TP63: variants seen among roughly 807,000 people sequenced by gnomAD.
TP63 encodes tumor protein p63.
Under a neutral mutation model 82.8 loss-of-function variants are expected in TP63, and 17 were observed. The ratio of observed to expected loss-of-function variants is 0.21; its 90% CI spans 0.14 to 0.31. The LOEUF (loss-of-function observed/expected upper bound fraction) is 0.31, where lower values mean the gene tolerates loss of function less well. Ranked by LOEUF, TP63 falls within the 10% of genes least tolerant of loss-of-function variation. The pLI is 1.00. For missense variants in TP63, 648 were observed against 895.3 expected (o/e 0.72, Z 3.52); for synonymous variants, 330 against 321.7 (o/e 1.03, Z -0.28).
intron 10 of TP63, among the ~76,000 whole-genome samples, chr3:189,873,759 A>G (rs1018311937): frequency 2.6e-5 from 4 of 152,182 alleles, no homozygotes; most frequent in East Asian, 3.8e-4. Flanking sequence ...AGGTTGACCA[A>G]TCAGGACCTT....
chr3:189,739,842 C>A (rs1274064550), intron 3 of TP63, among the ~76,000 whole-genome samples: 3 of 143,982 alleles, frequency 2.1e-5, no homozygotes, highest in Admixed American at 7.0e-5. Context: ...TCTTTTCTAT[C>A]AAAAATTTCT....
At chr3:189,741,176 T>A (rs1720955159) in intron 3 of TP63, among the ~76,000 whole-genome samples, 1 of 150,854 alleles carries the variant, frequency 6.6e-6, no homozygotes, top group African/African-American at 2.4e-5. Flanking sequence ...TGAATAAACT[T>A]GCCTATCTGT....
chr3:189,859,844 A>C (rs921563303), intron 4 of TP63, among the ~76,000 whole-genome samples: 1 of 152,204 alleles, frequency 6.6e-6, no homozygotes, highest in African/African-American at 2.4e-5. Context: ...ACGTGCAAAA[A>C]CCACAGATAA....
the TP63 span, among the ~76,000 whole-genome samples, chr3:189,619,953 G>A: frequency 1.3e-5 from 2 of 152,126 alleles, no homozygotes; most frequent in Non-Finnish European, 2.9e-5. Flanking sequence ...GACCACTTGC[G>A]TCACTTTGTG....
intron 11 of TP63, among the ~76,000 whole-genome samples, chr3:189,887,913 A>G (rs918513227): frequency 4.0e-5 from 6 of 150,480 alleles, no homozygotes; most frequent in African/African-American, 9.8e-5. Context: ...CTGGAGTGCA[A>G]TGGCGCAATC....
At chr3:189,889,563 T>C in intron 12 of TP63, 79 bp downstream of exon 12, 1 of 1,594,570 alleles carries the variant, frequency 6.3e-7, no homozygotes, top group Admixed American at 1.7e-5. Context: ...TTATAGTCCA[T>C]AAAACAGTTG....
intron 1 of TP63, among the ~76,000 whole-genome samples, chr3:189,641,848 T>TAA: frequency 6.6e-6 from 1 of 152,224 alleles, no homozygotes; most frequent in Middle Eastern, 3.2e-3. Flanking sequence ...TTATCTCATA[T>TAA]AACACAGTTC....
In TP63 at chr3:189,808,412, C is replaced by T. The variant is rs2108637967; in HGVS notation, c.465C>T (p.Thr155=). ...CGCCCTACGCACAGCCCAGCTCCAC[C>T]TTCGATGCTCTCTCTCCATCACCCG... ...APSPYAQPSS[T]FDALSPSPAI... Residue 155 remains threonine (T), a synonymous_variant, in exon 4 of 14, where the codon ACC becomes ACT. Transcript: ENST00000264731. 6.2e-7 allele frequency: 1 copy of T among 1,614,230 alleles called. No homozygotes were observed. The highest frequency in any genetic ancestry group is 8.5e-7 in the Non-Finnish European group (1 of 1,180,050).
intron 13 of TP63, among the ~76,000 whole-genome samples, chr3:189,892,524 G>A (rs967977343): frequency 6.6e-6 from 1 of 152,220 alleles, no homozygotes; most frequent in Non-Finnish European, 1.5e-5. Context: ...CGGGCATGGT[G>A]GCTCACACCT....
intron 4 of TP63, among the ~76,000 whole-genome samples, chr3:189,856,189 G>T (rs2108776903): frequency 6.6e-6 from 1 of 151,520 alleles, no homozygotes; most frequent in Non-Finnish European, 1.5e-5. Flanking sequence ...GTAAAGAAAT[G>T]TGTAAAGGAG....
chr3:189,745,290 T>G (rs1391506115), intron 3 of TP63, among the ~76,000 whole-genome samples: 2 of 152,200 alleles, frequency 1.3e-5, no homozygotes, highest in Non-Finnish European at 2.9e-5. Flanking sequence ...TATTAAATTC[T>G]TAAATTCAAA....
intron 11 of TP63, among the ~76,000 whole-genome samples, chr3:189,888,784 A>G (rs1577201755): frequency 6.6e-6 from 1 of 152,254 alleles, no homozygotes; most frequent in African/African-American, 2.4e-5. Flanking sequence ...ATTTAATTGT[A>G]TCATCATTTA....
intron 3 of TP63, among the ~76,000 whole-genome samples, chr3:189,801,600 C>G (rs1726309374): frequency 6.6e-6 from 1 of 152,004 alleles, no homozygotes; most frequent in Admixed American, 6.6e-5. Flanking sequence ...AATACCTTTC[C>G]CACTTCCTGT....
At position 189,866,711 on chromosome 3, in the gene TP63, C is replaced by A. The variant is rs747009931; in HGVS notation, c.796C>A (p.Arg266=). The A allele has an allele frequency of 2.5e-6, 4 of 1,613,732 alleles. No homozygotes were observed. Among genetic ancestry groups the A allele is most frequent in the African/African-American group, 2.7e-5 (2 of 74,836 alleles). ...GQIAPPSHLI[R]VEGNSHAQYV... ...GATTGCCCCTCCTAGTCATTTGATT[C>A]GAGTAGAGGGGAACAGCCATGCCCA... Residue 266 remains arginine, a synonymous_variant, in exon 6 of 14, where the codon CGA becomes AGA. Coordinates refer to ENST00000264731, the MANE Select transcript of TP63 (RefSeq NM_003722.5).
chr3:189,723,168 T>C (rs1198424606), intron 1 of TP63, among the ~76,000 whole-genome samples: 1 of 152,200 alleles, frequency 6.6e-6, no homozygotes, highest in Non-Finnish European at 1.5e-5. Flanking sequence ...AAGACCTTTT[T>C]TTCCTTCAGT....
At chr3:189,659,435 A>G (rs1713681454) in intron 1 of TP63, among the ~76,000 whole-genome samples, 1 of 151,928 alleles carries the variant, frequency 6.6e-6, no homozygotes, top group Non-Finnish European at 1.5e-5. Context: ...TATGTACCAT[A>G]TTTTCTTTAT....
intron 1 of TP63, among the ~76,000 whole-genome samples, chr3:189,668,552 A>G (rs982265376): frequency 1.3e-5 from 2 of 152,154 alleles, no homozygotes; most frequent in Non-Finnish European, 2.9e-5. Flanking sequence ...GAAAGTGTCA[A>G]TGGATTTCAA....
chr3:189,630,720 T>G (rs891152392), upstream of TP63, among the ~76,000 whole-genome samples: 3 of 152,176 alleles, frequency 2.0e-5, no homozygotes, highest in African/African-American at 7.2e-5. Flanking sequence ...GGTAGGATAT[T>G]TAACTCAATA....
chr3:189,771,790 G>A (rs1027432569), intron 3 of TP63, among the ~76,000 whole-genome samples: 1 of 152,000 alleles, frequency 6.6e-6, no homozygotes, highest in African/African-American at 2.4e-5. Context: ...CTAATGTCGG[G>A]TCAGTTCACA....
Sources: allele counts gnomAD v4.1 joint callset (sites outside exome capture counted in the v4.1 genomes callset), GRCh38; gene constraint gnomAD v4.1.1; transcripts MANE v1.5; gene names NCBI Gene and HGNC (gene_info 2026-07-23, HGNC 2026-07-21).